The following FRMPD4 variants were observed in gnomAD, a reference collection of about 807,000 sequenced individuals.
FRMPD4 encodes the protein FERM and PDZ domain-containing protein 4.
In FRMPD4, 22 loss-of-function variants were observed where a neutral mutation model predicts 94.1. The observed-to-expected ratio is 0.23, with a 90% CI of 0.17 to 0.33. FRMPD4 has a LOEUF of 0.33. Among genes scored for constraint, FRMPD4 ranks in the 10% least tolerant of loss-of-function variants. The pLI, the probability that FRMPD4 is intolerant of heterozygous loss-of-function variation, is 1.00. For synonymous variants in FRMPD4, 631 were observed against 548.6 expected (o/e 1.15, Z -2.10); for missense variants, 1,111 against 1,339.9 (o/e 0.83, Z 2.67).
At chrX:12,393,468 G>A (rs1242426252) in intron 1 of FRMPD4, among the ~76,000 whole-genome samples, 1 of 111,989 alleles carries the variant, frequency 8.9e-6, no homozygotes, top group Non-Finnish European at 1.9e-5. Context: ...GGCTTATCTT[G>A]CCCTCTGGGT....
At chrX:12,685,580 T>TTTGTTTTTG (rs1463242562) in intron 6 of FRMPD4, among the ~76,000 whole-genome samples, 6 of 111,619 alleles carry the variant, frequency 5.4e-5, no homozygotes, top group African/African-American at 2.0e-4. Context: ...TGTTTTTGTT[T>TTTGTTTTTG]TTGTTTTTGT....
Position 12,716,487 on chromosome X carries a change from T to C in FRMPD4, c.2028T>C (p.Asp676=). The C allele has an allele frequency of 8.3e-7, 1 of 1,208,892 alleles. No homozygotes were observed. ...PPTLGYETLL[D]EGPEMLEKQR... ...CCCTTGGCTATGAAACGCTACTAGA[T>C]GAGGGTCCTGAAATGCTGGAGAAGC... Residue 676 remains aspartate (D), a synonymous_variant, in exon 15 of 17, where the codon GAT becomes GAC. Transcript: ENST00000675598.
At chrX:12,030,648 A>G (rs968120383) in intron 3 of FRMPD4, among the ~76,000 whole-genome samples, 1 of 112,242 alleles carries the variant, frequency 8.9e-6, no homozygotes, top group Admixed American at 9.4e-5. Context: ...AGACAAATGG[A>G]CATCAACATT....
At chrX:12,344,931 C>A (rs188822202) in intron 1 of FRMPD4, among the ~76,000 whole-genome samples, 12 of 112,173 alleles carry the variant, frequency 1.1e-4, no homozygotes, top group Admixed American at 2.8e-4. Flanking sequence ...GGAAAAAAAT[C>A]GTAATCAAAC....
At chrX:12,563,135 G>A in intron 2 of FRMPD4, among the ~76,000 whole-genome samples, 1 of 111,745 alleles carries the variant, frequency 8.9e-6, no homozygotes, top group East Asian at 2.8e-4. Context: ...TTTCCTTGGA[G>A]CATGGGCTGT....
At chrX:12,566,470 C>G (rs150184260) in intron 2 of FRMPD4, among the ~76,000 whole-genome samples, 94 of 110,774 alleles carry the variant, frequency 8.5e-4, no homozygotes, top group African/African-American at 2.8e-3. Flanking sequence ...ATTTCTCTTA[C>G]AAAAAAAAGA....
chrX:12,171,701 C>T (rs973004761), intron 1 of FRMPD4, among the ~76,000 whole-genome samples: 11 of 111,909 alleles, frequency 9.8e-5, no homozygotes, highest in Non-Finnish European at 1.7e-4. Flanking sequence ...TGATGCAAGC[C>T]GATGAGCGTG....
intron 4 of FRMPD4, among the ~76,000 whole-genome samples, chrX:12,672,429 C>T (rs2059853094): frequency 8.9e-6 from 1 of 112,296 alleles, no homozygotes; most frequent in African/African-American, 3.2e-5. Context: ...TTCCAAGAGT[C>T]TCATACTTTG....
chrX:12,146,865 AT>A (rs2055776260), intron 1 of FRMPD4, among the ~76,000 whole-genome samples: 1 of 112,286 alleles, frequency 8.9e-6, no homozygotes, highest in Non-Finnish European at 1.9e-5. Context: ...AACCTGTAAG[AT>A]AGGACTATCT....
chrX:12,534,376 CCA>C (rs2058316804), intron 2 of FRMPD4, among the ~76,000 whole-genome samples: 1 of 112,316 alleles, frequency 8.9e-6, no homozygotes, highest in Non-Finnish European at 1.9e-5. Flanking sequence ...TGGAGCCCCC[CCA>C]CAGAGTCCCT....
chrX:12,109,885 C>T (rs769415336), intron 3 of FRMPD4, among the ~76,000 whole-genome samples: 3 of 111,567 alleles, frequency 2.7e-5, no homozygotes, highest in African/African-American at 6.5e-5. Flanking sequence ...AGTTGAATCC[C>T]GGAATTGACC....
chrX:12,309,325 C>T (rs2054993774), intron 1 of FRMPD4, among the ~76,000 whole-genome samples: 1 of 107,095 alleles, frequency 9.3e-6, no homozygotes, highest in South Asian at 4.2e-4. Context: ...TTTCACTGTG[C>T]AGACGTTAAA....
intron 4 of FRMPD4, among the ~76,000 whole-genome samples, chrX:12,650,775 T>G (rs1329474747): frequency 3.5e-5 from 4 of 112,804 alleles, no homozygotes; most frequent in Non-Finnish European, 7.5e-5. Flanking sequence ...GAAAAACAAT[T>G]TATATATCTG....
intron 1 of FRMPD4, among the ~76,000 whole-genome samples, chrX:12,495,259 G>A (rs1014648938): frequency 9.0e-6 from 1 of 111,700 alleles, no homozygotes; most frequent in South Asian, 3.7e-4. Context: ...ATTCATACTT[G>A]CAAAACCACC....
At chrX:12,599,114 A>C (rs777763568) in intron 2 of FRMPD4, among the ~76,000 whole-genome samples, 1 of 111,067 alleles carries the variant, frequency 9.0e-6, no homozygotes, top group Non-Finnish European at 1.9e-5. Context: ...GAGGACATAC[A>C]ACAGCCCCTT....
At chrX:12,584,341 G>C (rs377377261) in intron 2 of FRMPD4, among the ~76,000 whole-genome samples, 1 of 112,067 alleles carries the variant, frequency 8.9e-6, no homozygotes, top group Non-Finnish European at 1.9e-5. Flanking sequence ...TCCAGTCCTG[G>C]TAACATCTAA....
chrX:12,552,453 A>G (rs181961118), intron 2 of FRMPD4, among the ~76,000 whole-genome samples: 2 of 111,513 alleles, frequency 1.8e-5, no homozygotes, highest in East Asian at 5.6e-4. Flanking sequence ...ATCCAGTCTC[A>G]ACATAATACC....
chrX:12,678,910 G>A (rs1306517109), intron 5 of FRMPD4, among the ~76,000 whole-genome samples: 5 of 112,493 alleles, frequency 4.4e-5, no homozygotes, highest in African/African-American at 1.6e-4. Flanking sequence ...CTCAGTTCTG[G>A]TGTCCCATGA....
At chrX:12,665,209 G>A (rs776069787) in intron 4 of FRMPD4, among the ~76,000 whole-genome samples, 64 of 111,740 alleles carry the variant, frequency 5.7e-4, no homozygotes, top group African/African-American at 2.0e-3. Flanking sequence ...TTGGGAGGCC[G>A]TAGCAGGTGG....
Sources: gnomAD v4.1 joint callset for allele counts (sites outside exome capture counted in the v4.1 genomes callset) on GRCh38, gnomAD v4.1.1 for gene constraint, MANE v1.5 for transcripts, NCBI Gene and HGNC (gene_info 2026-07-23, HGNC 2026-07-21) for gene names.